The following ABCB4 variants were observed in gnomAD, a reference collection of about 807,000 sequenced individuals.
ABCB4 encodes the protein ATP binding cassette subfamily B member 4, also known as phosphatidylcholine translocator ABCB4.
Under a neutral mutation model 145.7 loss-of-function variants are expected in ABCB4, and 76 were observed. The ratio of observed to expected loss-of-function variants is 0.52; its 90% CI spans 0.43 to 0.63. The LOEUF (loss-of-function observed/expected upper bound fraction) is 0.63, where lower values mean the gene tolerates loss of function less well. Among genes scored for constraint, ABCB4 ranks in the 30% least tolerant of loss-of-function variants. ABCB4 has a pLI of 0.00. For missense variants in ABCB4, 1,234 were observed against 1,553.1 expected (o/e 0.79, Z 3.45); for synonymous variants, 517 against 566.8 (o/e 0.91, Z 1.25).
At position 87,422,196 on chromosome 7, in the gene ABCB4, C is replaced by T. The variant is rs777139621; in HGVS notation, c.2241G>A (p.Lys747=). The T allele has an allele frequency of 6.2e-7, 1 of 1,613,684 alleles. No individual in the cohort carries two copies. Among genetic ancestry groups the T allele is most frequent in the South Asian group, 1.1e-5 (1 of 91,052 alleles). Residue 747 remains lysine, a synonymous_variant, in exon 18 of 28, where the codon AAG becomes AAA. Transcript: ENST00000649586. The part of the protein sequence containing the change: ...AIFGPGDDAV[K]QQKCNIFSLI... ...AAGAGAATATGTTGCACTTCTGCTG[C>T]TTCACTGCATCATCGCCTGGTCCAA...
At chr7:87,377,504 C>T in the ABCB4 span, 11 of 1,018,728 alleles carry the variant, frequency 1.1e-5, no homozygotes, top group Admixed American at 1.4e-4. Context: ...AAATTAATGA[C>T]AATAAACCAT....
chr7:87,450,003 C>A lies in ABCB4; in HGVS notation c.798G>T (p.Val266=). The A allele has an allele frequency of 1.2e-6, 2 of 1,614,200 alleles. No individual in the cohort carries two copies. Among genetic ancestry groups the A allele is most frequent in the Non-Finnish European group, 1.7e-6 (2 of 1,180,034 alleles). The change falls in exon 8 of 28, where the codon GTG becomes GTT. Residue 266 remains valine, a synonymous_variant. Coordinates refer to ENST00000649586, the MANE Select transcript of ABCB4 (RefSeq NM_000443.4). ...CTTTGTTCTGGCCCCCGAAAGCTAT[C>A]ACAGTCCTGATGGCCCCCAGAGCCT... ...AEEALGAIRT[V]IAFGGQNKEL... is the part of the protein sequence containing the mutation.
chr7:87,370,125 A>T, the ABCB4 span, among the ~76,000 whole-genome samples: 13 of 152,260 alleles, frequency 8.5e-5, no homozygotes, highest in South Asian at 2.7e-3. Context: ...ATACATCTCT[A>T]AAATAGAAGG....
At chr7:87,472,776 T>G in intron 2 of ABCB4, 101 bp from the exon 3 acceptor site, 4 of 880,326 alleles carry the variant, frequency 4.5e-6, no homozygotes, top group Non-Finnish European at 7.2e-6. Context: ...TATTATATTT[T>G]CAAATATAAG....
At chr7:87,375,970 T>TA in the ABCB4 span, 1 of 1,454,258 alleles carries the variant, frequency 6.9e-7, no homozygotes, top group South Asian at 1.3e-5. Context: ...AACTACCTTC[T>TA]CTTTTTTTTT....
intron 21 of ABCB4, among the ~76,000 whole-genome samples, chr7:87,416,646 G>A (rs1413753288): frequency 6.6e-6 from 1 of 152,138 alleles, no homozygotes; most frequent in Non-Finnish European, 1.5e-5. Flanking sequence ...TAAGAGCTTT[G>A]AAACTAGACC....
chr7:87,369,387 C>T, the ABCB4 span: 103 of 1,609,390 alleles, frequency 6.4e-5, 1 homozygote, highest in East Asian at 1.8e-3. Flanking sequence ...GAGTGAAGGG[C>T]GTTCCCCAAA....
At chr7:87,390,349 G>A in the ABCB4 span, among the ~76,000 whole-genome samples, 1 of 152,096 alleles carries the variant, frequency 6.6e-6, no homozygotes, top group Admixed American at 6.5e-5. Context: ...GAAGATCATT[G>A]CTAAGGTTCA....
chr7:87,465,772 T>C (rs774894739), intron 3 of ABCB4, among the ~76,000 whole-genome samples: 48 of 152,166 alleles, frequency 3.2e-4, no homozygotes, highest in Admixed American at 7.2e-4. Context: ...CCTCCGCTGC[T>C]GATACCCAGG....
At chr7:87,453,816 T>C (rs1468477272) in intron 5 of ABCB4, among the ~76,000 whole-genome samples, 2 of 152,190 alleles carry the variant, frequency 1.3e-5, no homozygotes, top group Non-Finnish European at 2.9e-5. Context: ...CACTACTATT[T>C]ACATATTGCA....
At position 87,422,169 on chromosome 7, in the gene ABCB4, C is replaced by A. The variant is rs745644965; in HGVS notation, c.2268G>T (p.Leu756Phe). The A allele has an allele frequency of 6.2e-7, 1 of 1,613,482 alleles. No homozygotes were observed. Among genetic ancestry groups the A allele is most frequent in the Non-Finnish European group, 8.5e-7 (1 of 1,179,650 alleles). Reference sequence around the variant, plus strand: ...AAATAATTCCCAGAAATAAGAAAATCAAAGAGAATATGTTGCACTTCTGCT... The same window carrying A: ...AAATAATTCCCAGAAATAAGAAAATAAAAGAGAATATGTTGCACTTCTGCT... Reference protein sequence around the residue: ...VKQQKCNIFSLIFLFLGIISF... With the variant: ...VKQQKCNIFSFIFLFLGIISF... The change falls in exon 18 of 28, where the codon TTG (leucine) becomes TTT (phenylalanine). Residue 756 changes from leucine to phenylalanine, a missense_variant. Physicochemically the swap from Leu to Phe is conservative, Grantham distance 22. Transcript: ENST00000649586.
At chr7:87,459,786 G>A (rs1044561649) in intron 4 of ABCB4, among the ~76,000 whole-genome samples, 1 of 152,158 alleles carries the variant, frequency 6.6e-6, no homozygotes, top group East Asian at 1.9e-4. Flanking sequence ...GCTAATGTGA[G>A]TCACCAAGAG....
intron 4 of ABCB4, among the ~76,000 whole-genome samples, chr7:87,462,114 T>C (rs973236939): frequency 4.6e-5 from 7 of 152,298 alleles, no homozygotes; most frequent in African/African-American, 1.4e-4. Flanking sequence ...ACCATGTCTA[T>C]TGGAGCCCCA....
chr7:87,422,500 A>G (rs989596805), intron 17 of ABCB4, among the ~76,000 whole-genome samples: 4 of 152,144 alleles, frequency 2.6e-5, no homozygotes, highest in Non-Finnish European at 5.9e-5. Flanking sequence ...CCCAAACTTG[A>G]TACCATTACA....
chr7:87,370,490 C>T, the ABCB4 span, among the ~76,000 whole-genome samples: 2 of 152,124 alleles, frequency 1.3e-5, no homozygotes, highest in African/African-American at 2.4e-5. Context: ...GCCAAATAAA[C>T]AGTGTTTTAA....
At chr7:87,390,023 T>C in the ABCB4 span, among the ~76,000 whole-genome samples, 2 of 152,198 alleles carry the variant, frequency 1.3e-5, no homozygotes, top group African/African-American at 4.8e-5. Flanking sequence ...CTTTCTCTTA[T>C]TGTATTTGAT....
rs1156832998 is a variant in ABCB4 at position 87,408,028 on chromosome 7, T to A, written c.3279+9A>T. The stretch of plus-strand genomic sequence containing the variant: ...AGCCTTCAATCAAGTTATAAGGAAA[T>A]GTGCTCACCACTGTCCCCGCCAAGG... On this transcript the variant is annotated intron_variant, in intron 25 of 27. Coordinates refer to ENST00000649586, the MANE Select transcript of ABCB4 (RefSeq NM_000443.4). The A allele has an allele frequency of 1.2e-6, 2 of 1,613,018 alleles. No individual in the cohort carries two copies. The highest frequency in any genetic ancestry group is 1.7e-5 in the Admixed American group (1 of 60,006).
intron 2 of ABCB4, among the ~76,000 whole-genome samples, chr7:87,473,631 C>T (rs1184557284): frequency 6.6e-6 from 1 of 152,098 alleles, no homozygotes; most frequent in East Asian, 1.9e-4. Flanking sequence ...TTTTCCATGG[C>T]GTTAATTACC....
chr7:87,397,711 T>C (rs1437319153), downstream of ABCB4, among the ~76,000 whole-genome samples: 2 of 152,202 alleles, frequency 1.3e-5, no homozygotes, highest in Admixed American at 1.3e-4. Context: ...CACTCAGACA[T>C]TGGTTTCATC....
Sources: gnomAD v4.1 joint callset for allele counts (sites outside exome capture counted in the v4.1 genomes callset) on GRCh38, gnomAD v4.1.1 for gene constraint, MANE v1.5 for transcripts, NCBI Gene and HGNC (gene_info 2026-07-23, HGNC 2026-07-21) for gene names.